Variants in SLIT3 observed in about 807,000 individuals in gnomAD.
SLIT3 encodes the protein slit homolog 3 protein.
Under a neutral mutation model 184.0 loss-of-function variants are expected in SLIT3, and 68 were observed. That is an observed-to-expected ratio of 0.37 (90% CI 0.30 to 0.45). The LOEUF (loss-of-function observed/expected upper bound fraction) is 0.45. Among genes scored for constraint, SLIT3 ranks in the 20% least tolerant of loss-of-function variants. The pLI is 1.00. For missense variants in SLIT3, 1,707 were observed against 2,026.0 expected (o/e 0.84, Z 3.02); for synonymous variants, 831 against 828.6 (o/e 1.00, Z -0.05).
intron 4 of SLIT3, among the ~76,000 whole-genome samples, chr5:168,983,460 A>G (rs1755018927): frequency 6.6e-6 from 1 of 152,208 alleles, no homozygotes; most frequent in Non-Finnish European, 1.5e-5. Context: ...ACAAATCCTC[A>G]GTGGGACTTT....
intron 4 of SLIT3, among the ~76,000 whole-genome samples, chr5:169,013,837 T>A (rs1015108702): frequency 6.6e-6 from 1 of 152,216 alleles, no homozygotes; most frequent in Non-Finnish European, 1.5e-5. Flanking sequence ...ATTGTCGTAT[T>A]TTCTCATGCC....
At chr5:169,290,922 A>G (rs1767344460) in intron 1 of SLIT3, among the ~76,000 whole-genome samples, 1 of 152,138 alleles carries the variant, frequency 6.6e-6, no homozygotes, top group Admixed American at 6.5e-5. Context: ...AATGGATATG[A>G]CTGGTAACAG....
At chr5:168,899,732 A>AT (rs1399587982) in intron 4 of SLIT3, among the ~76,000 whole-genome samples, 1 of 152,216 alleles carries the variant, frequency 6.6e-6, no homozygotes, top group Non-Finnish European at 1.5e-5. Context: ...TATTTCACAA[A>AT]TATATTTAAA....
At chr5:169,196,699 T>C (rs1246110699) in intron 3 of SLIT3, among the ~76,000 whole-genome samples, 2 of 152,204 alleles carry the variant, frequency 1.3e-5, no homozygotes, top group Non-Finnish European at 2.9e-5. Context: ...TCCAGAGCTC[T>C]AGTTCTGAAC....
intron 12 of SLIT3, among the ~76,000 whole-genome samples, chr5:168,778,039 A>T (rs116639286): frequency 6.6e-6 from 1 of 152,322 alleles, no homozygotes; most frequent in Non-Finnish European, 1.5e-5. Flanking sequence ...TCCCTCTTTC[A>T]CCGGAGGGAT....
intron 4 of SLIT3, among the ~76,000 whole-genome samples, chr5:169,068,054 T>C (rs1418791758): frequency 6.6e-6 from 1 of 152,198 alleles, no homozygotes; most frequent in Non-Finnish European, 1.5e-5. Context: ...AGAAGAATCA[T>C]GGCTTATTTA....
intron 4 of SLIT3, among the ~76,000 whole-genome samples, chr5:168,896,661 A>G (rs1760673081): frequency 6.6e-6 from 1 of 152,226 alleles, no homozygotes; most frequent in African/African-American, 2.4e-5. Context: ...ATGGGAACAC[A>G]GGTTAAAGCC....
chr5:169,119,404 C>T (rs892716925), intron 4 of SLIT3, among the ~76,000 whole-genome samples: 2 of 152,208 alleles, frequency 1.3e-5, no homozygotes, highest in African/African-American at 4.8e-5. Flanking sequence ...TGACTAGAAA[C>T]TGTTATCATG....
chr5:169,298,318 C>T (rs922639771), intron 1 of SLIT3, among the ~76,000 whole-genome samples: 16 of 152,042 alleles, frequency 1.1e-4, no homozygotes, highest in African/African-American at 3.6e-4. Flanking sequence ...ACCAGGACTC[C>T]AGTCTCTGTC....
chr5:169,091,366 C>T (rs1462816904), intron 4 of SLIT3, among the ~76,000 whole-genome samples: 2 of 152,158 alleles, frequency 1.3e-5, no homozygotes, highest in Non-Finnish European at 2.9e-5. Context: ...TCCCATTCTT[C>T]CCACCCATTC....
chr5:168,949,634 T>C (rs1212598787), intron 4 of SLIT3, among the ~76,000 whole-genome samples: 1 of 152,132 alleles, frequency 6.6e-6, no homozygotes, highest in Non-Finnish European at 1.5e-5. Context: ...GGGCTCGCTG[T>C]GTCGCCCAGG....
At chr5:168,854,909 G>A (rs1758807856) in intron 5 of SLIT3, among the ~76,000 whole-genome samples, 6 of 152,170 alleles carry the variant, frequency 3.9e-5, no homozygotes, top group Admixed American at 3.9e-4. Context: ...GTAATTAACT[G>A]CTGAAAAAAG....
intron 1 of SLIT3, among the ~76,000 whole-genome samples, chr5:169,291,893 A>G (rs1767370306): frequency 6.6e-6 from 1 of 152,176 alleles, no homozygotes; most frequent in African/African-American, 2.4e-5. Flanking sequence ...TAGTTGCCAC[A>G]TCTATAAAAT....
chr5:169,254,269 C>T (rs755334418), intron 1 of SLIT3, among the ~76,000 whole-genome samples: 1 of 152,176 alleles, frequency 6.6e-6, no homozygotes, highest in African/African-American at 2.4e-5. Context: ...GGAGAGGCTG[C>T]CTGTCCCAAG....
At chr5:168,732,229 C>T (rs989737757) in intron 20 of SLIT3, among the ~76,000 whole-genome samples, 2 of 151,590 alleles carry the variant, frequency 1.3e-5, no homozygotes, top group Admixed American at 1.3e-4. Flanking sequence ...AAAACAAAAA[C>T]AAAACCCTAG....
chr5:168,859,200 G>A (rs143219455), intron 5 of SLIT3, among the ~76,000 whole-genome samples: 1 of 152,272 alleles, frequency 6.6e-6, no homozygotes, highest in East Asian at 1.9e-4. Context: ...TCTTGGTCAT[G>A]ATGTTCTATA....
At chr5:168,978,361 A>G (rs1436113644) in intron 4 of SLIT3, among the ~76,000 whole-genome samples, 1 of 152,190 alleles carries the variant, frequency 6.6e-6, no homozygotes, top group East Asian at 1.9e-4. Context: ...TATGAAACAG[A>G]TGTTGTGAAT....
intron 6 of SLIT3, among the ~76,000 whole-genome samples, chr5:168,834,605 T>G (rs183314354): frequency 1.5e-4 from 20 of 136,198 alleles, no homozygotes; most frequent in African/African-American, 5.6e-4. Flanking sequence ...GGGCAGGAGG[T>G]GAGCCTGGGA....
intron 3 of SLIT3, among the ~76,000 whole-genome samples, chr5:169,229,688 G>T: frequency 7.3e-6 from 1 of 136,294 alleles, no homozygotes; most frequent in South Asian, 2.2e-4. Context: ...ATCACTCTTG[G>T]GCCGTGATGA....
Sources: allele counts gnomAD v4.1 joint callset (sites outside exome capture counted in the v4.1 genomes callset), GRCh38; gene constraint gnomAD v4.1.1; transcripts MANE v1.5; gene names NCBI Gene and HGNC (gene_info 2026-07-23, HGNC 2026-07-21).